CA10: variants seen among roughly 807,000 people sequenced by gnomAD.
CA10 encodes the protein carbonic anhydrase-related protein 10.
A neutral mutation model predicts 44.2 loss-of-function variants in CA10; 14 were observed. That is an observed-to-expected ratio of 0.32 (90% CI 0.21 to 0.50). The LOEUF (loss-of-function observed/expected upper bound fraction) is 0.50. CA10 is among the 20% of genes least tolerant of loss of function. The pLI, the probability that CA10 is intolerant of heterozygous loss-of-function variation, is 0.99. For missense variants in CA10, 350 were observed against 409.7 expected (o/e 0.85, Z 1.26); for synonymous variants, 159 against 141.6 (o/e 1.12, Z -0.87).
At chr17:51,649,906 TG>T (rs1297966573) in intron 5 of CA10, among the ~76,000 whole-genome samples, 1 of 149,438 alleles carries the variant, frequency 6.7e-6, no homozygotes, top group African/African-American at 2.5e-5. Flanking sequence ...AAAGTATCAC[TG>T]CTCATTATTG....
chr17:51,932,484 C>G (rs939411850), intron 2 of CA10, among the ~76,000 whole-genome samples: 1 of 152,044 alleles, frequency 6.6e-6, no homozygotes, highest in Admixed American at 6.6e-5. Flanking sequence ...GGGAGGAGAA[C>G]TAAAAATAAG....
At chr17:51,829,980 C>T (rs574655822) in intron 3 of CA10, among the ~76,000 whole-genome samples, 16 of 152,078 alleles carry the variant, frequency 1.1e-4, no homozygotes, top group East Asian at 3.9e-4. Context: ...AGGCAGATCA[C>T]GAGGTTAAGA....
At chr17:51,999,141 C>T (rs562166987) in intron 2 of CA10, among the ~76,000 whole-genome samples, 1 of 152,024 alleles carries the variant, frequency 6.6e-6, no homozygotes, top group South Asian at 2.1e-4. Flanking sequence ...GAAGATAGTA[C>T]TTTTTAGAAT....
chr17:51,908,743 T>G (rs1279402435), intron 3 of CA10, among the ~76,000 whole-genome samples: 1 of 152,182 alleles, frequency 6.6e-6, no homozygotes, highest in Non-Finnish European at 1.5e-5. Context: ...TAAGGAATGA[T>G]GCTATATCTT....
chr17:51,807,733 T>TA (rs1171910802), intron 3 of CA10, among the ~76,000 whole-genome samples: 9 of 152,308 alleles, frequency 5.9e-5, no homozygotes, highest in African/African-American at 2.2e-4. Flanking sequence ...TCTTAACAGA[T>TA]ACAATGATGT....
intron 1 of CA10, among the ~76,000 whole-genome samples, chr17:52,115,463 A>T (rs536228719): frequency 6.6e-6 from 1 of 152,264 alleles, no homozygotes; most frequent in African/African-American, 2.4e-5. Flanking sequence ...AGGTAGAAAA[A>T]ACTGAGACTT....
At chr17:52,129,798 G>A (rs972890724) in intron 1 of CA10, among the ~76,000 whole-genome samples, 3 of 152,168 alleles carry the variant, frequency 2.0e-5, no homozygotes, top group African/African-American at 7.2e-5. Flanking sequence ...CTGGACACAG[G>A]GAAGGGGTCA....
intron 3 of CA10, among the ~76,000 whole-genome samples, chr17:51,792,790 T>G (rs571304704): frequency 6.6e-6 from 1 of 152,356 alleles, no homozygotes; most frequent in South Asian, 2.1e-4. Flanking sequence ...TTATGACAAC[T>G]ATATAGCAAT....
At chr17:51,817,113 A>G (rs1478045248) in intron 3 of CA10, among the ~76,000 whole-genome samples, 3 of 152,218 alleles carry the variant, frequency 2.0e-5, no homozygotes, top group Admixed American at 6.5e-5. Context: ...AAAGAATCTT[A>G]TCCACACAGG....
At chr17:52,119,741 C>T (rs1485877442) in intron 1 of CA10, among the ~76,000 whole-genome samples, 1 of 152,182 alleles carries the variant, frequency 6.6e-6, no homozygotes, top group East Asian at 1.9e-4. Context: ...ATTTTTCAAA[C>T]AACTCAGTCC....
intron 2 of CA10, among the ~76,000 whole-genome samples, chr17:51,958,257 GTT>G (rs56021809): frequency 1.1e-4 from 16 of 146,640 alleles, no homozygotes; most frequent in African/African-American, 3.5e-4. Context: ...AAATAACTGA[GTT>G]TTTTTTTTTT....
intron 3 of CA10, among the ~76,000 whole-genome samples, chr17:51,920,225 T>C (rs1982174073): frequency 6.6e-6 from 1 of 152,150 alleles, no homozygotes; most frequent in South Asian, 2.1e-4. Flanking sequence ...AAATGTTCCA[T>C]GAAAGTGGAG....
intron 2 of CA10, among the ~76,000 whole-genome samples, chr17:52,031,775 G>A (rs11657957): frequency 2.0e-5 from 3 of 151,846 alleles, no homozygotes; most frequent in Non-Finnish European, 4.4e-5. Context: ...CTCCCATTCC[G>A]CCAAATTTCC....
At chr17:51,953,986 G>A (rs960090664) in intron 2 of CA10, among the ~76,000 whole-genome samples, 1 of 152,130 alleles carries the variant, frequency 6.6e-6, no homozygotes, top group Non-Finnish European at 1.5e-5. Context: ...TTACTCTGTT[G>A]TGATTAGAGC....
chr17:52,042,173 C>A lies in CA10; in HGVS notation c.136+30146G>T, dbSNP rs151211015. ...TAAAGTTTTTTGAGGAATATCCATA[C>A]TGTTTCCATACTGGCTGTACCAATT... is the stretch of plus-strand genomic sequence containing the variant. On this transcript the variant is annotated intron_variant, in intron 2 of 8. Transcript: ENST00000451037. 3.7e-4 allele frequency among the ~76,000 whole-genome samples: 57 copies of A among 152,108 alleles called. 2 individuals are homozygous for A. In the East Asian group the frequency reaches 6.1e-3, roughly 16 times the overall value.
chr17:51,670,874 T>C (rs1400835120), intron 4 of CA10, among the ~76,000 whole-genome samples: 1 of 152,112 alleles, frequency 6.6e-6, no homozygotes, highest in Non-Finnish European at 1.5e-5. Context: ...GGTCACACAG[T>C]TTTTAATAGA....
At chr17:51,767,278 G>A (rs2519750) in intron 3 of CA10, among the ~76,000 whole-genome samples, 152,310 of 152,310 alleles carry the variant, frequency 1, 76,155 homozygotes, top group Non-Finnish European at 1. Flanking sequence ...TCATTAGGTG[G>A]ATTTCATATC....
At chr17:52,080,658 T>C (rs1987949624) in intron 1 of CA10, among the ~76,000 whole-genome samples, 2 of 151,746 alleles carry the variant, frequency 1.3e-5, no homozygotes, top group Non-Finnish European at 2.9e-5. Context: ...TTTACAAGAG[T>C]CATTCTTCCT....
At chr17:52,024,255 T>C (rs989210488) in intron 2 of CA10, among the ~76,000 whole-genome samples, 2 of 152,152 alleles carry the variant, frequency 1.3e-5, no homozygotes, top group Non-Finnish European at 2.9e-5. Flanking sequence ...GTGATACTTC[T>C]TATACTGTCA....
Sources: gnomAD v4.1 joint callset for allele counts (sites outside exome capture counted in the v4.1 genomes callset) on GRCh38, gnomAD v4.1.1 for gene constraint, MANE v1.5 for transcripts, NCBI Gene and HGNC (gene_info 2026-07-23, HGNC 2026-07-21) for gene names.